TAF4: variants seen among roughly 807,000 people sequenced by gnomAD.
TAF4 encodes transcription initiation factor TFIID subunit 4.
Under a neutral mutation model 90.3 loss-of-function variants are expected in TAF4, and 9 were observed. The ratio of observed to expected loss-of-function variants is 0.10; its 90% confidence interval spans 0.06 to 0.17. The LOEUF is 0.17. Ranked by LOEUF, TAF4 falls within the 10% of genes least tolerant of loss-of-function variation. The pLI is 1.00. For missense variants in TAF4, 1,351 were observed against 1,370.7 expected (o/e 0.99, Z 0.23); for synonymous variants, 818 against 638.9 (o/e 1.28, Z -4.23).
At position 62,065,770 on chromosome 20, in the gene TAF4, T is replaced by C; in HGVS notation, c.41A>G (p.Asn14Ser). The change falls in exon 1 of 15, where the codon AAC (asparagine) becomes AGC (serine). Residue 14 changes from asparagine (N) to serine (S), a missense_variant. Asn to Ser is a conservative substitution (Grantham distance 46, BLOSUM62 1). Around this residue, in one of 9 missense-constraint regions of TAF4, gnomAD observed 782 missense variants for 536.6 expected, o/e 1.46. Coordinates refer to ENST00000252996, the MANE Select transcript of TAF4 (RefSeq NM_003185.4). ...GSDLLDEVFF[N>S]SEVDEKVVSD... is the part of the protein sequence containing the mutation. ...CACCACTTTCTCGTCCACCTCGCTG[T>C]TGAAGAAGACCTCGTCCAGCAGATC... 7.5e-7 allele frequency: 1 copy of C among 1,339,560 alleles called. No individual in the cohort carries two copies. Among genetic ancestry groups the C allele is most frequent in the Admixed American group, 2.5e-5 (1 of 40,644 alleles). 83.0% of individuals were successfully genotyped at this position (1,339,560 alleles called of 1,614,324 possible).
intron 14 of TAF4, among the ~76,000 whole-genome samples, chr20:61,995,017 A>G (rs1420393327): frequency 6.6e-6 from 1 of 152,242 alleles, no homozygotes; most frequent in Non-Finnish European, 1.5e-5. Context: ...AAGGGGCTTG[A>G]GAAACACCTT....
chr20:62,041,494 T>C (rs1338276968), intron 1 of TAF4, among the ~76,000 whole-genome samples: 2 of 151,984 alleles, frequency 1.3e-5, no homozygotes, highest in African/African-American at 4.8e-5. Flanking sequence ...CCAGGCGTGG[T>C]AGCATACGCC....
At position 62,030,734 on chromosome 20, in the gene TAF4, T is replaced by C. The variant is rs572740135; in HGVS notation, c.1361-16027A>G. Among the ~76,000 whole-genome samples the C allele has an allele frequency of 5.9e-5, 9 of 152,324 alleles. No individual in the cohort carries two copies. In the South Asian group the frequency reaches 1.9e-3, roughly 32 times the overall value. ...AAAAACTTTACTAAGTTGCCAATAA[T>C]GTTGAATTGTCTTATCTACTTTTTA... On this transcript the variant is annotated intron_variant, in intron 1 of 14. Transcript: ENST00000252996.
intron 3 of TAF4, 60 bp downstream of exon 3, chr20:62,012,755 C>A: frequency 1.3e-6 from 2 of 1,529,242 alleles, no homozygotes. Flanking sequence ...ATCTCTGCAT[C>A]AAAGAAATCA....
chr20:62,064,571 G>A lies in TAF4; in HGVS notation c.1240C>T (p.Arg414Trp), dbSNP rs1404427235. Reference protein sequence around the residue: ...AAGAVTQSLSRTPTATTSGIR... With the variant: ...AAGAVTQSLSWTPTATTSGIR... Reference sequence around the variant, plus strand: ...CCGCTGGTGGTGGCCGTGGGCGTCCGGGACAGGCTCTGGGTCACTGCGCCG... The same window carrying A: ...CCGCTGGTGGTGGCCGTGGGCGTCCAGGACAGGCTCTGGGTCACTGCGCCG... Residue 414 changes from arginine (R) to tryptophan (W), a missense_variant, in exon 1 of 15, where the codon CGG becomes TGG. Around this residue, in one of 9 missense-constraint regions of TAF4, gnomAD observed 782 missense variants for 536.6 expected, o/e 1.46. Transcript: ENST00000252996. The A allele has an allele frequency of 5.3e-6, 8 of 1,513,662 alleles. No individual in the cohort carries two copies. In the Admixed American group the frequency reaches 6.3e-5, roughly 12 times the overall value. 93.8% of individuals were successfully genotyped at this position (1,513,662 alleles called of 1,614,324 possible).
intron 1 of TAF4, among the ~76,000 whole-genome samples, chr20:62,053,706 G>T (rs996876911): frequency 6.6e-6 from 1 of 152,208 alleles, no homozygotes; most frequent in Non-Finnish European, 1.5e-5. Flanking sequence ...GCCCACCAAG[G>T]CCAAGCACGG....
chr20:61,985,114 A>G (rs2055578866), intron 14 of TAF4, among the ~76,000 whole-genome samples: 1 of 104,460 alleles, frequency 9.6e-6, no homozygotes, highest in Admixed American at 9.4e-5. Flanking sequence ...GACTCTCCGG[A>G]CCATGGCAAC....
chr20:62,065,020 G>T lies in TAF4; in HGVS notation c.791C>A (p.Ala264Asp). The change falls in exon 1 of 15, where the codon GCC (alanine) becomes GAC (aspartate). Residue 264 changes from alanine (A) to aspartate (D), a missense_variant. Ala to Asp is a moderately radical substitution (Grantham distance 126, BLOSUM62 -2). This residue lies in a region of TAF4 where 782 missense variants were observed against 536.6 expected (regional missense o/e 1.46). Transcript: ENST00000252996. ...CGGGGGCGGGGCGGCGGCGGGGGCG[G>T]CGGGCGCGGGGGCGGCGGGGGGCGA... ...APSPPAAPAP[A>D]APAAAPPPPP... is the part of the protein sequence containing the mutation. 2.3e-6 allele frequency: 1 copy of T among 438,826 alleles called. No homozygotes were observed. The highest frequency in any genetic ancestry group is 2.9e-6 in the Non-Finnish European group (1 of 339,562). The allele number at this position is 438,826 out of a possible 1,614,324, so 27.2% of individuals were successfully genotyped here. A position where few individuals can be genotyped will look rare whatever the true frequency, so the allele number is the denominator to read the frequency against.
intron 5 of TAF4, among the ~76,000 whole-genome samples, chr20:62,008,443 CT>C (rs1408356223): frequency 1.3e-5 from 2 of 150,562 alleles, no homozygotes; most frequent in African/African-American, 4.9e-5. Flanking sequence ...AGATCTGGAG[CT>C]TGGGACTGTG....
intron 1 of TAF4, among the ~76,000 whole-genome samples, chr20:62,022,986 T>G (rs1257503633): frequency 2.0e-5 from 3 of 152,136 alleles, no homozygotes. Flanking sequence ...ACTGTGTTCA[T>G]GGGTCAGGAG....
Position 62,065,184 on chromosome 20 carries a change from G to A in TAF4, c.627C>T (p.His209=). The change falls in exon 1 of 15, where the codon CAC becomes CAT. Residue 209 remains histidine, a synonymous_variant. Coordinates refer to ENST00000252996, the MANE Select transcript of TAF4 (RefSeq NM_003185.4). The part of the protein sequence containing the change: ...NGSAALLNSH[H]AAAPAVSLVN... ...CCAGGCTGACAGCAGGTGCGGCGGC[G>A]TGGTGCGAGTTCAGCAGCGCGGCGC... 2 of 1,209,438 alleles carry A rather than the reference G, an allele frequency of 1.7e-6. No individual in the cohort carries two copies. The highest frequency in any genetic ancestry group is 2.1e-6 in the Non-Finnish European group (2 of 948,062). 74.9% of individuals were successfully genotyped at this position (1,209,438 alleles called of 1,614,324 possible). A position where few individuals can be genotyped will look rare whatever the true frequency, so the allele number is the denominator to read the frequency against.
chr20:61,976,404 A>T (rs1424899052), intron 14 of TAF4, 69 bp from the exon 15 acceptor site: 1 of 1,570,142 alleles, frequency 6.4e-7, no homozygotes, highest in Non-Finnish European at 8.7e-7. Context: ...GAGCCTGTGT[A>T]TCTGAGCCAA....
intron 1 of TAF4, among the ~76,000 whole-genome samples, chr20:62,035,573 A>T (rs1376927123): frequency 9.2e-6 from 1 of 109,192 alleles, no homozygotes; most frequent in Non-Finnish European, 2.1e-5. Context: ...GGAGGATTAC[A>T]TACTTAAAAG....
Position 62,060,183 on chromosome 20 carries a change from G to A in TAF4, c.1360+4268C>T, listed in dbSNP as rs962198142. On this transcript the variant is annotated intron_variant, in intron 1 of 14. Coordinates refer to ENST00000252996, the MANE Select transcript of TAF4 (RefSeq NM_003185.4). ...CCAGGGTGGCTCTGCTCTCTGCCCTGGGAGAAGGCCAACTTCCCAGGCGCC... is the reference window on the plus strand; with the variant it reads ...CCAGGGTGGCTCTGCTCTCTGCCCTAGGAGAAGGCCAACTTCCCAGGCGCC... Among the ~76,000 whole-genome samples the A allele has an allele frequency of 1.4e-4, 22 of 152,306 alleles. No individual in the cohort carries two copies. In the East Asian group the frequency reaches 1.5e-3, roughly 11 times the overall value.
chr20:62,016,317 T>C (rs544102130), intron 1 of TAF4, among the ~76,000 whole-genome samples: 33 of 152,344 alleles, frequency 2.2e-4, no homozygotes, highest in Middle Eastern at 6.8e-3. Flanking sequence ...TGTGAGGGTG[T>C]TGCCAAAGAA....
intron 1 of TAF4, among the ~76,000 whole-genome samples, chr20:62,025,563 G>A (rs1012535269): frequency 6.6e-6 from 1 of 152,190 alleles, no homozygotes; most frequent in East Asian, 1.9e-4. Context: ...GAGTTCTCAC[G>A]ACATCTGGTG....
In TAF4 at chr20:62,064,938, C is replaced by A. The variant is rs1447787054; in HGVS notation, c.873G>T (p.Pro291=). The A allele has an allele frequency of 3.9e-6, 2 of 512,118 alleles. No individual in the cohort carries two copies. Among genetic ancestry groups the A allele is most frequent in the South Asian group, 1.7e-4 (2 of 11,622 alleles). The allele number at this position is 512,118 out of a possible 1,614,324, so 31.7% of individuals were successfully genotyped here. A position where few individuals can be genotyped will look rare whatever the true frequency, so the allele number is the denominator to read the frequency against. The change falls in exon 1 of 15, where the codon CCG becomes CCT. Residue 291 remains proline, a synonymous_variant. Coordinates refer to ENST00000252996, the MANE Select transcript of TAF4 (RefSeq NM_003185.4). ...ARPPGHPAGP[P]TAAPAVPPPA... ...GGGGCGGCACGGCGGGCGCGGCGGT[C>A]GGGGGTCCGGCGGGGTGGCCGGGCG...
At chr20:62,021,865 G>A (rs538330940) in intron 1 of TAF4, among the ~76,000 whole-genome samples, 10 of 152,140 alleles carry the variant, frequency 6.6e-5, no homozygotes, top group Admixed American at 1.3e-4. Flanking sequence ...AAAGACAGCC[G>A]GCACCTCAGA....
At position 62,006,854 on chromosome 20, in the gene TAF4, T is replaced by C; in HGVS notation, c.1975-96A>G. On this transcript the variant is annotated intron_variant, in intron 6 of 14. Coordinates refer to ENST00000252996, the MANE Select transcript of TAF4 (RefSeq NM_003185.4). This position sits in a 1 kb window ranked among gnomAD's most constrained non-coding sequence, Gnocchi z 7.0. ...GAAATATCAACTTTTACAGAAAGCT[T>C]TTGAGCTAAGTAAGATGGATCTTGG... The C allele has an allele frequency of 7.1e-7, 1 of 1,405,188 alleles. No homozygotes were observed. The highest frequency in any genetic ancestry group is 1.5e-5 in the African/African-American group (1 of 67,752). 87.0% of individuals were successfully genotyped at this position (1,405,188 alleles called of 1,614,324 possible). A position where few individuals can be genotyped will look rare whatever the true frequency, so the allele number is the denominator to read the frequency against.
Sources: gnomAD v4.1 joint callset for allele counts (sites outside exome capture counted in the v4.1 genomes callset) on GRCh38, gnomAD v4.1.1 for gene constraint, gnomAD v4.1.1 regional missense constraint, Gnocchi (gnomAD v3.1) non-coding constraint, MANE v1.5 for transcripts, NCBI Gene and HGNC (gene_info 2026-07-23, HGNC 2026-07-21) for gene names.